The following CXXC1 variants were observed in gnomAD, a reference collection of about 807,000 sequenced individuals.
CXXC1 encodes the protein CXXC finger protein 1.
Under a neutral mutation model 83.6 loss-of-function variants are expected in CXXC1, and 21 were observed. The observed-to-expected ratio is 0.25, with a 90% CI of 0.18 to 0.36. The LOEUF (loss-of-function observed/expected upper bound fraction) is 0.36, where lower values mean the gene tolerates loss of function less well. Among genes scored for constraint, CXXC1 ranks in the 10% least tolerant of loss-of-function variants. CXXC1 has a pLI of 1.00. For missense variants in CXXC1, 688 were observed against 919.5 expected (o/e 0.75, Z 3.26); for synonymous variants, 371 against 337.5 (o/e 1.10, Z -1.09).
Position 50,285,858 on chromosome 18 carries a change from C to T in CXXC1, c.530G>A (p.Arg177His), listed in dbSNP as rs565753755. The T allele has an allele frequency of 5.0e-6, 8 of 1,614,186 alleles. No homozygotes were observed. Among genetic ancestry groups the T allele is most frequent in the African/African-American group, 2.7e-5 (2 of 75,044 alleles). Residue 177 changes from arginine (R) to histidine (H), a missense_variant, in exon 5 of 15, where the codon CGC becomes CAC. Arg to His is a conservative substitution (Grantham distance 29, BLOSUM62 0). This residue lies in a region of CXXC1 where 35 missense variants were observed against 92.2 expected (regional missense o/e 0.38). Transcript: ENST00000285106. The surrounding 1 kb of genome is among the most constrained non-coding windows in gnomAD (Gnocchi z 4.4). ...RMCGECEACR[R>H]TEDCGHCDFC... ...ATCACAGTGACCACAGTCCTCAGTG[C>T]GCCGACATGCCTCACACTCACCACA...
Position 50,283,319 on chromosome 18 carries a change from T to C in CXXC1, c.1617A>G (p.Lys539=), listed in dbSNP as rs754605356. The C allele has an allele frequency of 3.1e-6, 5 of 1,613,766 alleles. No homozygotes were observed. Among genetic ancestry groups the C allele is most frequent in the African/African-American group, 1.3e-5 (1 of 74,778 alleles). ...LFCDVYNPQS[K]TYCKRLQVLC... ...GCACCTGGAGCCGCTTACAGTATGT[T>C]TTGCTCTGAGGATTATACACATCAC... The change falls in exon 13 of 15, where the codon AAA becomes AAG. Residue 539 remains lysine, a synonymous_variant. Transcript: ENST00000285106.
At position 50,282,641 on chromosome 18, in the gene CXXC1, G is replaced by A; in HGVS notation, c.1923C>T (p.Ile641=). The A allele has an allele frequency of 4.3e-6, 7 of 1,612,618 alleles. No individual in the cohort carries two copies. The South Asian group carries it at 7.7e-5, about 18-fold the overall frequency. ...GGTCGGTAGTGAGGGGATCGTGCTG[G>A]ATCGTCTGGTGCAGCATCAGGGCCA... is the stretch of plus-strand genomic sequence containing the variant. The part of the protein sequence containing the change: ...GLLALMLHQT[I]QHDPLTTDLR... Residue 641 remains isoleucine, a synonymous_variant, in exon 15 of 15, where the codon ATC becomes ATT. Coordinates refer to ENST00000285106, the MANE Select transcript of CXXC1 (RefSeq NM_014593.4). This position sits in a 1 kb window ranked among gnomAD's most constrained non-coding sequence, Gnocchi z 5.8.
In CXXC1 at chr18:50,285,160, C is replaced by T. The variant is rs2040693205; in HGVS notation, c.754G>A (p.Gly252Arg). 1.2e-6 allele frequency: 2 copies of T among 1,614,120 alleles called. No individual in the cohort carries two copies. Among genetic ancestry groups the T allele is most frequent in the Admixed American group, 1.7e-5 (1 of 60,012 alleles). ...GCCCCCTCATCTTCACGGATGCGCC[C>T]TAACTTCTGTGATGGCTGTGGCTGC... Reference protein sequence around the residue: ...QQQPQPSQKLGRIREDEGAVA... With the variant: ...QQQPQPSQKLRRIREDEGAVA... Residue 252 changes from glycine to arginine, a missense_variant, in exon 7 of 15, where the codon GGG (glycine) becomes AGG (arginine). Gly to Arg is a moderately radical substitution (Grantham distance 125, BLOSUM62 -2). Transcript: ENST00000285106. This position sits in a 1 kb window ranked among gnomAD's most constrained non-coding sequence, Gnocchi z 4.4.
At chr18:50,284,279 A>G in intron 9 of CXXC1, 99 bp downstream of exon 9, 1 of 1,512,172 alleles carries the variant, frequency 6.6e-7, no homozygotes, top group Non-Finnish European at 8.9e-7. Context: ...CTGTTTGGTG[A>G]CTGGTGGATA....
At chr18:50,286,470 C>A in intron 3 of CXXC1, 69 bp downstream of exon 3, 5 of 1,309,026 alleles carry the variant, frequency 3.8e-6, no homozygotes, top group African/African-American at 1.4e-5. Flanking sequence ...ATCCCCATAA[C>A]CCCCCCTTGT....
At position 50,286,275 on chromosome 18, in the gene CXXC1, G is replaced by A; in HGVS notation, c.224-18C>T. ...GTCTTTCTCTGTGGGGCAGAGAGTA[G>A]GGCCAAAGTGAGTGAGCACTGGATG... On this transcript the variant is annotated intron_variant, in intron 3 of 14. Transcript: ENST00000285106. 6.3e-7 allele frequency: 1 copy of A among 1,578,848 alleles called. No individual in the cohort carries two copies. The highest frequency in any genetic ancestry group is 1.3e-5 in the African/African-American group (1 of 74,246).
chr18:50,282,439 G>T lies in CXXC1; in HGVS notation c.*154C>A. ...CCCACCAGGCACTGAACATGTCGACGGGGACAGTCCCTCTGATAAAGGCAG... is the reference window on the plus strand; with the variant it reads ...CCCACCAGGCACTGAACATGTCGACTGGGACAGTCCCTCTGATAAAGGCAG... On this transcript the variant is annotated 3_prime_UTR_variant, in exon 15 of 15. Coordinates refer to ENST00000285106, the MANE Select transcript of CXXC1 (RefSeq NM_014593.4). The surrounding 1 kb of genome is among the most constrained non-coding windows in gnomAD (Gnocchi z 5.8). 1.1e-6 allele frequency: 1 copy of T among 942,420 alleles called. No individual in the cohort carries two copies. The highest frequency in any genetic ancestry group is 1.6e-6 in the Non-Finnish European group (1 of 612,688). The allele number at this position is 942,420 out of a possible 1,614,324, so 58.4% of individuals were successfully genotyped here.
At chr18:50,284,679 C>T in intron 8 of CXXC1, 53 bp downstream of exon 8, 1 of 1,609,748 alleles carries the variant, frequency 6.2e-7, no homozygotes, top group Non-Finnish European at 8.5e-7. Context: ...ACCTCTGCCT[C>T]TCCCTCAACC....
chr18:50,284,595 G>C (rs373140476), intron 8 of CXXC1, 33 bp from the exon 9 acceptor site: 136 of 1,582,700 alleles, frequency 8.6e-5, no homozygotes, highest in Non-Finnish European at 4.6e-5. Context: ...TCAGGGTGGA[G>C]TCAAAGTCAG....
At chr18:50,283,212 ACAGCGAGG>A in intron 13 of CXXC1, 45 bp downstream of exon 13, 1 of 1,456,936 alleles carries the variant, frequency 6.9e-7, no homozygotes, top group Non-Finnish European at 9.6e-7. Flanking sequence ...TGAATGTGGG[ACAGCGAGG>A]CAGGGAGGAG....
At chr18:50,283,857 G>A (rs1276393659) in intron 10 of CXXC1, 37 bp downstream of exon 10, 2 of 1,613,808 alleles carry the variant, frequency 1.2e-6, no homozygotes, top group African/African-American at 1.3e-5. Flanking sequence ...GAAGGACAAA[G>A]TACAGGCCCT....
intron 3 of CXXC1, 140 bp from the exon 4 acceptor site, chr18:50,286,397 C>A: frequency 9.4e-7 from 1 of 1,059,172 alleles, no homozygotes; most frequent in Non-Finnish European, 1.4e-6. Context: ...TGCCTCTTCC[C>A]GTGGGATCTT....
Position 50,284,727 on chromosome 18 carries a change from A to G in CXXC1, c.1020+5T>C, listed in dbSNP as rs770097341. ...TTTCCACATCCACTTTACCCTCTCC[A>G]TCACCTTCTTCTCAGACTTCTTCTC... On this transcript the variant is annotated splice_donor_5th_base_variant and intron_variant, in intron 8 of 14. Transcript: ENST00000285106. 6.2e-7 allele frequency: 1 copy of G among 1,612,492 alleles called. No individual in the cohort carries two copies. The highest frequency in any genetic ancestry group is 8.5e-7 in the Non-Finnish European group (1 of 1,179,402).
chr18:50,282,806 G>C lies in CXXC1; in HGVS notation c.1824+48C>G. ...AGCCCCGCCTGCCCCGGCCACGTCC[G>C]ACATGGAAACCTACCACATGCAGCA... On this transcript the variant is annotated intron_variant, in intron 14 of 14. Coordinates refer to ENST00000285106, the MANE Select transcript of CXXC1 (RefSeq NM_014593.4). This position sits in a 1 kb window ranked among gnomAD's most constrained non-coding sequence, Gnocchi z 5.8. 6.2e-7 allele frequency: 1 copy of C among 1,611,946 alleles called. No homozygotes were observed. The highest frequency in any genetic ancestry group is 1.1e-5 in the South Asian group (1 of 91,022).
chr18:50,282,835 A>G lies in CXXC1; in HGVS notation c.1824+19T>C. 6.2e-7 allele frequency: 1 copy of G among 1,613,772 alleles called. No individual in the cohort carries two copies. Among genetic ancestry groups the G allele is most frequent in the Non-Finnish European group, 8.5e-7 (1 of 1,179,684 alleles). Reference sequence around the variant, plus strand: ...TGGAAACCTACCACATGCAGCACCAAAACCGCACAGAAACCTACCACACGC... The same window carrying G: ...TGGAAACCTACCACATGCAGCACCAGAACCGCACAGAAACCTACCACACGC... On this transcript the variant is annotated intron_variant, in intron 14 of 14. Coordinates refer to ENST00000285106, the MANE Select transcript of CXXC1 (RefSeq NM_014593.4). The surrounding 1 kb of genome is among the most constrained non-coding windows in gnomAD (Gnocchi z 5.8).
In CXXC1 at chr18:50,285,279, C is replaced by A; in HGVS notation, c.667-32G>T. 2.5e-6 allele frequency: 4 copies of A among 1,611,846 alleles called. No homozygotes were observed. The highest frequency in any genetic ancestry group is 3.4e-6 in the Non-Finnish European group (4 of 1,178,336). ...GGCAGAATCTCAGGACTGGCCCTGA[C>A]CGCCCTGCCCGCATGCCCCACCCCA... is the stretch of plus-strand genomic sequence containing the variant. On this transcript the variant is annotated intron_variant, in intron 6 of 14. Coordinates refer to ENST00000285106, the MANE Select transcript of CXXC1 (RefSeq NM_014593.4). This position sits in a 1 kb window ranked among gnomAD's most constrained non-coding sequence, Gnocchi z 4.4.
chr18:50,284,807 G>C lies in CXXC1; in HGVS notation c.945C>G (p.Phe315Leu), dbSNP rs1453622450. ...PWMSDTEESPFLDPALRKRAV... is the reference protein window; with the variant it reads ...PWMSDTEESPLLDPALRKRAV... ...CCCTCTTCCGCAGCGCGGGGTCCAGGAATGGGGACTCTTCTGTGTCGCTCA... is the reference window on the plus strand; with the variant it reads ...CCCTCTTCCGCAGCGCGGGGTCCAGCAATGGGGACTCTTCTGTGTCGCTCA... Residue 315 changes from phenylalanine to leucine, a missense_variant, in exon 8 of 15, where the codon TTC (phenylalanine) becomes TTG (leucine). Transcript: ENST00000285106. The C allele has an allele frequency of 1.2e-6, 2 of 1,614,174 alleles. No homozygotes were observed. The highest frequency in any genetic ancestry group is 1.7e-6 in the Non-Finnish European group (2 of 1,180,024).
chr18:50,282,456 T>A lies in CXXC1; in HGVS notation c.*137A>T. The A allele has an allele frequency of 8.9e-7, 1 of 1,122,898 alleles. No homozygotes were observed. The highest frequency in any genetic ancestry group is 1.3e-6 in the Non-Finnish European group (1 of 769,082). 69.6% of individuals were successfully genotyped at this position (1,122,898 alleles called of 1,614,324 possible). On this transcript the variant is annotated 3_prime_UTR_variant, in exon 15 of 15. Coordinates refer to ENST00000285106, the MANE Select transcript of CXXC1 (RefSeq NM_014593.4). The surrounding 1 kb of genome is among the most constrained non-coding windows in gnomAD (Gnocchi z 5.8). ...ATGTCGACGGGGACAGTCCCTCTGA[T>A]AAAGGCAGATGGGCGGTCAACCGGT... is the stretch of plus-strand genomic sequence containing the variant.
intron 1 of CXXC1, 104 bp from the exon 2 acceptor site, chr18:50,286,962 C>T (rs1400495929): frequency 2.4e-6 from 2 of 828,164 alleles, no homozygotes; most frequent in East Asian, 2.5e-5. Flanking sequence ...ACTCTGCCTG[C>T]AGATTTCACA....
Sources: allele counts gnomAD v4.1 joint callset, GRCh38; gene constraint gnomAD v4.1.1; regional missense constraint gnomAD v4.1.1; non-coding constraint Gnocchi (gnomAD v3.1); transcripts MANE v1.5; gene names NCBI Gene and HGNC (gene_info 2026-07-23, HGNC 2026-07-21).